The following TRPS1 variants were observed in gnomAD, a reference collection of about 807,000 sequenced individuals.
TRPS1 encodes the protein zinc finger transcription factor Trps1.
In TRPS1, 6 loss-of-function variants were observed where a neutral mutation model predicts 101.2. That is an observed-to-expected ratio of 0.06 (90% confidence interval 0.03 to 0.12). The LOEUF (loss-of-function observed/expected upper bound fraction) is 0.12. Ranked by LOEUF, TRPS1 falls within the 10% of genes least tolerant of loss-of-function variation. TRPS1 has a pLI of 1.00. For synonymous variants in TRPS1, 578 were observed against 589.8 expected (o/e 0.98, Z 0.29); for missense variants, 1,363 against 1,567.0 (o/e 0.87, Z 2.20).
chr8:115,597,526 A>G (rs1817814412), intron 4 of TRPS1, among the ~76,000 whole-genome samples: 1 of 152,114 alleles, frequency 6.6e-6, no homozygotes, highest in Non-Finnish European at 1.5e-5. Context: ...CTTCAAAAGC[A>G]TGTACATTCT....
chr8:115,620,283 AT>A (rs890757383), intron 2 of TRPS1, among the ~76,000 whole-genome samples: 1 of 151,964 alleles, frequency 6.6e-6, no homozygotes, highest in African/African-American at 2.4e-5. Context: ...CTCATTTATT[AT>A]TTTAAGGTGG....
intron 5 of TRPS1, among the ~76,000 whole-genome samples, chr8:115,429,501 C>A (rs1048897922): frequency 1.3e-5 from 2 of 152,126 alleles, no homozygotes; most frequent in African/African-American, 4.8e-5. Flanking sequence ...TTATTAATCA[C>A]ACTATATCGC....
At chr8:115,432,317 A>T (rs1813340724) in intron 5 of TRPS1, among the ~76,000 whole-genome samples, 1 of 151,836 alleles carries the variant, frequency 6.6e-6, no homozygotes, top group South Asian at 2.1e-4. Flanking sequence ...GTACTCTTTG[A>T]AAGAAATGTA....
intron 5 of TRPS1, among the ~76,000 whole-genome samples, chr8:115,576,625 A>G (rs1817325797): frequency 6.6e-6 from 1 of 152,156 alleles, no homozygotes; most frequent in South Asian, 2.1e-4. Flanking sequence ...TTTCCACTAC[A>G]TCACAAGGGA....
At chr8:115,623,986 C>T (rs894963482) in intron 1 of TRPS1, among the ~76,000 whole-genome samples, 11 of 151,982 alleles carry the variant, frequency 7.2e-5, no homozygotes, top group African/African-American at 2.4e-4. Context: ...ATTTTCATAA[C>T]AGACTGTGAT....
chr8:115,454,808 T>C (rs1353924925), intron 5 of TRPS1, among the ~76,000 whole-genome samples: 1 of 152,138 alleles, frequency 6.6e-6, no homozygotes, highest in Non-Finnish European at 1.5e-5. Flanking sequence ...TTTTTCATGG[T>C]ACAAAGGTTT....
intron 1 of TRPS1, among the ~76,000 whole-genome samples, chr8:115,644,180 C>A (rs1818963257): frequency 6.6e-6 from 1 of 152,178 alleles, no homozygotes; most frequent in Admixed American, 6.5e-5. Context: ...ATGGATTCTA[C>A]TTCAAGTCAC....
At chr8:115,595,861 T>C (rs531028028) in intron 4 of TRPS1, among the ~76,000 whole-genome samples, 1 of 151,796 alleles carries the variant, frequency 6.6e-6, no homozygotes, top group Admixed American at 6.6e-5. Flanking sequence ...CTTTGTGAGG[T>C]TTTATTTGTT....
chr8:115,479,494 G>C (rs888042388), intron 5 of TRPS1, among the ~76,000 whole-genome samples: 2 of 151,904 alleles, frequency 1.3e-5, no homozygotes, highest in Non-Finnish European at 2.9e-5. Flanking sequence ...CCCAAGAATG[G>C]GGCTGATCAG....
chr8:115,462,135 T>C lies in TRPS1; in HGVS notation c.2701-43683A>G, dbSNP rs539551630. 2.0e-5 allele frequency among the ~76,000 whole-genome samples: 3 copies of C among 152,318 alleles called. No homozygotes were observed. In the East Asian group the frequency reaches 5.8e-4, roughly 29 times the overall value. On this transcript the variant is annotated intron_variant, in intron 5 of 6. Coordinates refer to ENST00000395715, the MANE Select transcript of TRPS1 (RefSeq NM_014112.5). ...ATAATGAAGGTATTCTGAGGAAATA[T>C]GATCTTACTCTCAAAGTCTCAACAA... is the stretch of plus-strand genomic sequence containing the variant.
At chr8:115,591,068 C>T (rs954711866) in intron 4 of TRPS1, among the ~76,000 whole-genome samples, 6 of 152,052 alleles carry the variant, frequency 3.9e-5, no homozygotes, top group Admixed American at 2.6e-4. Flanking sequence ...CATCTAGCGG[C>T]GTTTAATGAC....
At position 115,587,214 on chromosome 8, in the gene TRPS1, A is replaced by T. The variant is rs202162026; in HGVS notation, c.2487T>A (p.Pro829=). The change falls in exon 5 of 7, where the codon CCT becomes CCA. Residue 829 remains proline (P), a synonymous_variant. Transcript: ENST00000395715. ...YTQASLGLLT[P]VSGTQEQTKT... ...TTGTCTGCTCTTGGGTGCCAGACAC[A>T]GGCGTCAGCAGCCCCAGGCTTGCTT... 1.0e-4 allele frequency: 165 copies of T among 1,614,222 alleles called. No homozygotes were observed. The highest frequency in any genetic ancestry group is 6.7e-4 in the East Asian group (30 of 44,882).
At position 115,414,265 on chromosome 8, in the gene TRPS1, T is replaced by C. The variant is rs750953146; in HGVS notation, c.3643A>G (p.Thr1215Ala). The C allele has an allele frequency of 3.7e-6, 6 of 1,613,980 alleles. No individual in the cohort carries two copies. The East Asian group carries it at 1.3e-4, about 36-fold the overall frequency. ...KNEGPLNVVK[T>A]EKVDRSTQDE... The stretch of plus-strand genomic sequence containing the variant: ...TGAGTACTTCTATCAACTTTCTCTG[T>C]TTTTACTACATTCAAGGGACCTTCA... The change falls in exon 7 of 7, where the codon ACA becomes GCA. Residue 1215 changes from threonine (T) to alanine (A), a missense_variant. Transcript: ENST00000395715. This position sits in a 1 kb window ranked among gnomAD's most constrained non-coding sequence, Gnocchi z 4.8.
intron 5 of TRPS1, among the ~76,000 whole-genome samples, chr8:115,422,140 C>A (rs953252144): frequency 5.3e-5 from 8 of 151,996 alleles, no homozygotes; most frequent in African/African-American, 1.9e-4. Flanking sequence ...TAGGACAGTG[C>A]TCTGTTAGGC....
intron 5 of TRPS1, among the ~76,000 whole-genome samples, chr8:115,555,919 G>T (rs1282412347): frequency 3.3e-5 from 5 of 152,106 alleles, no homozygotes; most frequent in Non-Finnish European, 5.9e-5. Flanking sequence ...AGCTACTCAG[G>T]AGGCTGAGGT....
chr8:115,431,437 A>G (rs947685077), intron 5 of TRPS1, among the ~76,000 whole-genome samples: 2 of 152,034 alleles, frequency 1.3e-5, no homozygotes, highest in African/African-American at 4.8e-5. Context: ...AGTTTATTAC[A>G]TCAATGACAC....
chr8:115,635,043 T>C (rs1818736455), intron 1 of TRPS1, among the ~76,000 whole-genome samples: 1 of 152,096 alleles, frequency 6.6e-6, no homozygotes, highest in African/African-American at 2.4e-5. Flanking sequence ...TAGTCCAGGG[T>C]ATGAACAGTG....
chr8:115,553,197 T>G (rs555345607), intron 5 of TRPS1, among the ~76,000 whole-genome samples: 30 of 152,054 alleles, frequency 2.0e-4, no homozygotes, highest in Non-Finnish European at 3.5e-4. Flanking sequence ...TTAAAATTTT[T>G]TATTATGTTG....
chr8:115,457,938 C>T (rs556012672), intron 5 of TRPS1, among the ~76,000 whole-genome samples: 1 of 152,016 alleles, frequency 6.6e-6, no homozygotes, highest in Non-Finnish European at 1.5e-5. Flanking sequence ...TAGACATCTG[C>T]AGGAAGTGTG....
Sources: allele counts gnomAD v4.1 joint callset (sites outside exome capture counted in the v4.1 genomes callset), GRCh38; gene constraint gnomAD v4.1.1; non-coding constraint Gnocchi (gnomAD v3.1); transcripts MANE v1.5; gene names NCBI Gene and HGNC (gene_info 2026-07-23, HGNC 2026-07-21).